KAZN: variants seen among roughly 807,000 people sequenced by gnomAD.
The protein encoded by KAZN is kazrin.
KAZN carries 40 observed loss-of-function variants against 87.4 expected under a neutral mutation model. The observed-to-expected ratio is 0.46, with a 90% CI of 0.36 to 0.60. The LOEUF is 0.60. Ranked by LOEUF, KAZN falls within the 20% of genes least tolerant of loss-of-function variation. The pLI is 0.00. For missense variants in KAZN, 898 were observed against 1,073.9 expected (o/e 0.84, Z 2.29); for synonymous variants, 466 against 458.3 (o/e 1.02, Z -0.22).
chr1:14,530,687 T>C (rs1039505630), intron 2 of KAZN, among the ~76,000 whole-genome samples: 2 of 152,156 alleles, frequency 1.3e-5, no homozygotes, highest in South Asian at 2.1e-4. Context: ...CCTTTTGCCA[T>C]GAGTGGAAGC....
intron 14 of KAZN, chr1:15,112,778 A>G: frequency 2.2e-6 from 1 of 448,880 alleles, no homozygotes; most frequent in Non-Finnish European, 4.1e-6. Flanking sequence ...CTCAAAGTGC[A>G]GGTCTCACCT....
chr1:14,339,622 A>G (rs1657534435), intron 2 of KAZN, among the ~76,000 whole-genome samples: 1 of 152,190 alleles, frequency 6.6e-6, no homozygotes, highest in Non-Finnish European at 1.5e-5. Context: ...TTCCTCTTTT[A>G]TGTGTGGGGG....
intron 2 of KAZN, among the ~76,000 whole-genome samples, chr1:14,259,416 G>A (rs947458484): frequency 2.0e-5 from 3 of 152,128 alleles, no homozygotes; most frequent in Non-Finnish European, 4.4e-5. Flanking sequence ...AGACAAGCAC[G>A]TGATGTACCC....
intron 2 of KAZN, among the ~76,000 whole-genome samples, chr1:15,003,592 C>T (rs1284798498): frequency 6.6e-6 from 1 of 152,270 alleles, no homozygotes; most frequent in Non-Finnish European, 1.5e-5. Context: ...CAAGTGAGGG[C>T]CCCCTCCCAT....
At chr1:14,895,437 C>T (rs1418608722) in intron 1 of KAZN, among the ~76,000 whole-genome samples, 1 of 152,242 alleles carries the variant, frequency 6.6e-6, no homozygotes, top group Admixed American at 6.5e-5. Flanking sequence ...CTCTCATTAA[C>T]AGCGGCCCAA....
rs1304914893 is a variant in KAZN at position 15,117,819 on chromosome 1, AAGG to A, written c.*3187_*3189del. ...GAGGGCTCTTCCTGCTGTGAAAGGA[AAGG>A]AGAAGAAAGCCTGTGGGCAATGGCA... is the stretch of plus-strand genomic sequence containing the variant. On this transcript the variant is annotated 3_prime_UTR_variant, in exon 15 of 15. Coordinates refer to ENST00000376030, the MANE Select transcript of KAZN (RefSeq NM_201628.3). 2 of 152,244 alleles carry A rather than the reference AAGG, an allele frequency of 1.3e-5. No homozygotes were observed. The highest frequency in any genetic ancestry group is 2.9e-5 in the Non-Finnish European group (2 of 68,062). The allele number at this position is 152,244 out of a possible 1,614,324, so 9.4% of individuals were successfully genotyped here. A position where few individuals can be genotyped will look rare whatever the true frequency, so the allele number is the denominator to read the frequency against.
intron 1 of KAZN, among the ~76,000 whole-genome samples, chr1:13,967,364 G>A (rs752022089): frequency 1.2e-4 from 19 of 152,126 alleles, no homozygotes; most frequent in Non-Finnish European, 2.2e-4. Flanking sequence ...TGATTGAGAA[G>A]GATTACCTCA....
Position 14,996,636 on chromosome 1 carries a change from A to C in KAZN, c.418+35761A>C, listed in dbSNP as rs1667892223. On this transcript the variant is annotated intron_variant, in intron 2 of 14. Coordinates refer to ENST00000376030, the MANE Select transcript of KAZN (RefSeq NM_201628.3). The surrounding 1 kb of genome is among the most constrained non-coding windows in gnomAD (Gnocchi z 5.9). ...CCTCCCACGGGCGTGCAGATCTGAC[A>C]AGATCAGGATCTGGGTCTGTGAGAG... Among the ~76,000 whole-genome samples, 1 of 152,152 alleles carries C rather than the reference A, an allele frequency of 6.6e-6. No homozygotes were observed. The highest frequency in any genetic ancestry group is 2.1e-4 in the South Asian group (1 of 4,822).
At chr1:14,450,576 C>T (rs759631471) in intron 2 of KAZN, among the ~76,000 whole-genome samples, 3 of 152,050 alleles carry the variant, frequency 2.0e-5, no homozygotes, top group Non-Finnish European at 2.9e-5. Flanking sequence ...GGACACAGAA[C>T]AAGACTCCAC....
At chr1:14,452,397 C>T (rs1490004468) in intron 2 of KAZN, among the ~76,000 whole-genome samples, 1 of 152,210 alleles carries the variant, frequency 6.6e-6, no homozygotes, top group Non-Finnish European at 1.5e-5. Flanking sequence ...AGTCACTTTA[C>T]AGTGAGTTCC....
chr1:14,728,605 C>T (rs994975767), intron 1 of KAZN, among the ~76,000 whole-genome samples: 3 of 152,142 alleles, frequency 2.0e-5, no homozygotes, highest in Admixed American at 6.5e-5. Flanking sequence ...CAAATGCAGC[C>T]GGTTCCTATA....
intron 2 of KAZN, among the ~76,000 whole-genome samples, chr1:14,538,193 T>G (rs1672611071): frequency 6.6e-6 from 1 of 152,232 alleles, no homozygotes; most frequent in South Asian, 2.1e-4. Context: ...CACAACTGTC[T>G]GATTACTATA....
At chr1:14,468,712 T>C (rs1668292515) in intron 2 of KAZN, among the ~76,000 whole-genome samples, 1 of 152,240 alleles carries the variant, frequency 6.6e-6, no homozygotes, top group Non-Finnish European at 1.5e-5. Context: ...TTAGAATTTC[T>C]TGGTTTTCAC....
intron 2 of KAZN, among the ~76,000 whole-genome samples, chr1:14,372,995 A>AG (rs578255474): frequency 4.7e-4 from 72 of 152,234 alleles, no homozygotes; most frequent in African/African-American, 1.6e-3. Flanking sequence ...GTAACCTGAG[A>AG]GGGGCCCCCT....
intron 2 of KAZN, among the ~76,000 whole-genome samples, chr1:14,459,261 G>A (rs1035340033): frequency 6.9e-6 from 1 of 144,522 alleles, no homozygotes; most frequent in South Asian, 2.2e-4. Flanking sequence ...GTGTGTGCGC[G>A]TGTGTGTGTG....
rs183076568 is a variant in KAZN at position 14,866,405 on chromosome 1, C to G, written c.227-94279C>G. On this transcript the variant is annotated intron_variant, in intron 1 of 14. Transcript: ENST00000376030. ...TGCCCATCTTGTCATCCTTCTGTCC[C>G]TGGAGCCTGGCATGCAGTTAACATA... Among the ~76,000 whole-genome samples the G allele has an allele frequency of 1.5e-3, 235 of 152,322 alleles. 2 individuals carry two copies. The highest frequency in any genetic ancestry group is 6.8e-3 in the Middle Eastern group (2 of 294).
intron 1 of KAZN, among the ~76,000 whole-genome samples, chr1:14,733,945 A>T (rs1230425982): frequency 5.9e-5 from 9 of 152,144 alleles, no homozygotes; most frequent in Admixed American, 2.6e-4. Context: ...CCGGCACACC[A>T]TAGGGCTGCG....
intron 2 of KAZN, among the ~76,000 whole-genome samples, chr1:14,211,921 C>G (rs906581274): frequency 2.0e-5 from 3 of 152,050 alleles, no homozygotes; most frequent in African/African-American, 7.2e-5. Flanking sequence ...CCCTTCACCC[C>G]GTTAATTTTG....
At chr1:14,737,570 G>A (rs1287117867) in intron 1 of KAZN, among the ~76,000 whole-genome samples, 3 of 152,228 alleles carry the variant, frequency 2.0e-5, no homozygotes, top group East Asian at 1.9e-4. Context: ...GGACAGACAC[G>A]TATTACCTCG....
Sources: allele counts gnomAD v4.1 joint callset (sites outside exome capture counted in the v4.1 genomes callset), GRCh38; gene constraint gnomAD v4.1.1; non-coding constraint Gnocchi (gnomAD v3.1); transcripts MANE v1.5; gene names NCBI Gene and HGNC (gene_info 2026-07-23, HGNC 2026-07-21).